SYTL4: variants seen among roughly 807,000 people sequenced by gnomAD.
The protein encoded by SYTL4 is synaptotagmin like 4.
Under a neutral mutation model 52.7 loss-of-function variants are expected in SYTL4, and 16 were observed. The ratio of observed to expected loss-of-function variants is 0.30; its 90% CI spans 0.21 to 0.46. The LOEUF (loss-of-function observed/expected upper bound fraction) is 0.46. SYTL4 is among the 20% of genes least tolerant of loss of function. The pLI, the probability that SYTL4 is intolerant of heterozygous loss-of-function variation, is 1.00. For missense variants in SYTL4, 423 were observed against 519.9 expected (o/e 0.81, Z 1.81); for synonymous variants, 160 against 186.6 (o/e 0.86, Z 1.16).
At chrX:100,683,258 A>T (rs1341306264) in intron 16 of SYTL4, among the ~76,000 whole-genome samples, 1 of 104,935 alleles carries the variant, frequency 9.5e-6, no homozygotes, top group Non-Finnish European at 1.9e-5. Context: ...GTGATTCTCC[A>T]GCGTCAGCCT....
At chrX:100,723,323 T>C (rs1420312846) in intron 2 of SYTL4, among the ~76,000 whole-genome samples, 1 of 112,084 alleles carries the variant, frequency 8.9e-6, no homozygotes, top group Non-Finnish European at 1.9e-5. Flanking sequence ...GATTTCGCTG[T>C]GTTGGCCGGG....
chrX:100,705,835 C>A (rs2083945983), intron 2 of SYTL4, among the ~76,000 whole-genome samples: 1 of 111,706 alleles, frequency 9.0e-6, no homozygotes, highest in Non-Finnish European at 1.9e-5. Context: ...CCTGACCAAC[C>A]AGAACTGCCC....
intron 2 of SYTL4, among the ~76,000 whole-genome samples, chrX:100,723,700 C>T (rs1178094120): frequency 1.8e-5 from 2 of 110,547 alleles, no homozygotes. Context: ...CCTGCCGCCC[C>T]GTCTGGGATG....
intron 8 of SYTL4, among the ~76,000 whole-genome samples, chrX:100,695,238 G>T (rs1018844573): frequency 8.9e-5 from 10 of 111,841 alleles, no homozygotes; most frequent in Non-Finnish European, 1.7e-4. Context: ...CTAACTATCT[G>T]TATGATCTCA....
At chrX:100,691,491 C>T (rs1243529469) in intron 8 of SYTL4, among the ~76,000 whole-genome samples, 3 of 111,308 alleles carry the variant, frequency 2.7e-5, no homozygotes, top group Non-Finnish European at 5.7e-5. Context: ...AGTAACTGTA[C>T]CATGGTGTAC....
intron 7 of SYTL4, 84 bp downstream of exon 7, chrX:100,701,136 G>C (rs2083841569): frequency 1.1e-6 from 1 of 892,380 alleles, no homozygotes; most frequent in African/African-American, 2.0e-5. Flanking sequence ...TCCACTAACT[G>C]GCTGAGCCCA....
intron 7 of SYTL4, 70 bp from the exon 8 acceptor site, chrX:100,701,069 C>A (rs2083840439): frequency 4.2e-6 from 4 of 951,747 alleles, no homozygotes; most frequent in Non-Finnish European, 4.5e-6. Context: ...ACCCTCATAG[C>A]AAATCCCCTG....
rs187767763 is a variant in SYTL4, at chrX:100,718,267, C to T, written c.-240+13151G>A. ...TATTCTTGCCTAGATGGAAGGTCAC[C>T]GTACCTCTCTGCATGGAGGGAGGCT... On this transcript the variant is annotated intron_variant, in intron 2 of 19. Coordinates refer to ENST00000372989, the MANE Select transcript of SYTL4 (RefSeq NM_001370165.1). Among the ~76,000 whole-genome samples, 26 of 111,323 alleles carry T rather than the reference C, an allele frequency of 2.3e-4. 1 individual carries two copies. The highest frequency in any genetic ancestry group is 5.7e-4 in the Admixed American group (6 of 10,467).
At position 100,703,446 on chromosome X, in the gene SYTL4, C is replaced by T. The variant is rs116065901; in HGVS notation, c.-163-261G>A. On this transcript the variant is annotated intron_variant, in intron 3 of 19. Transcript: ENST00000372989. ...ACATCTCTGATGTTGCTTTTTGATG[C>T]TGGGAAATCACATGATGAAATTCAC... Among the ~76,000 whole-genome samples, 327 of 111,941 alleles carry T rather than the reference C, an allele frequency of 2.9e-3. 1 individual carries two copies. The highest frequency in any genetic ancestry group is 9.9e-3 in the African/African-American group (304 of 30,841).
At chrX:100,700,110 T>C (rs2083816644) in intron 8 of SYTL4, among the ~76,000 whole-genome samples, 1 of 111,160 alleles carries the variant, frequency 9.0e-6, no homozygotes, top group Admixed American at 9.6e-5. Flanking sequence ...AAGGGTTTCT[T>C]TTTGAGGTGA....
At chrX:100,699,443 C>T (rs1225400251) in intron 8 of SYTL4, among the ~76,000 whole-genome samples, 1 of 106,520 alleles carries the variant, frequency 9.4e-6, no homozygotes, top group Non-Finnish European at 1.9e-5. Context: ...AACATACATC[C>T]ACACAAAACT....
chrX:100,701,916 G>C lies in SYTL4; in HGVS notation c.110+12C>G. On this transcript the variant is annotated intron_variant, in intron 5 of 19. Coordinates refer to ENST00000372989, the MANE Select transcript of SYTL4 (RefSeq NM_001370165.1). ...AAGGCCTGGGACCCCATGCGTTTTG[G>C]GGAACTCTTACCTAATCCTTTTCTC... The C allele has an allele frequency of 8.5e-7, 1 of 1,181,843 alleles. No individual in the cohort carries two copies. Among genetic ancestry groups the C allele is most frequent in the Non-Finnish European group, 1.1e-6 (1 of 870,453 alleles).
chrX:100,699,487 T>C (rs1489258217), intron 8 of SYTL4, among the ~76,000 whole-genome samples: 1 of 66,286 alleles, frequency 1.5e-5, no homozygotes. Context: ...TTACTCTTTT[T>C]TTTTTTTTTT....
intron 17 of SYTL4, among the ~76,000 whole-genome samples, chrX:100,680,889 C>T (rs1416480073): frequency 9.0e-6 from 1 of 111,503 alleles, no homozygotes; most frequent in Admixed American, 9.6e-5. Context: ...TCTTCCCCAG[C>T]TTTCAACTTC....
rs1428416985 is a variant in SYTL4 at position 100,724,051 on chromosome X, T to C, written c.-240+7367A>G. Among the ~76,000 whole-genome samples the C allele has an allele frequency of 2.1e-4, 19 of 91,580 alleles. No homozygotes were observed. In the Admixed American group the frequency reaches 2.1e-3, roughly 10 times the overall value. 79.5% of individuals were successfully genotyped at this position (91,580 alleles called of 115,157 possible). On this transcript the variant is annotated intron_variant, in intron 2 of 19. Transcript: ENST00000372989. ...GCCCCCCGCCCAGCCAGCCGCCCCGTCCGGGAGGTGAGGGGCGCCTCTGCC... is the reference window on the plus strand; with the variant it reads ...GCCCCCCGCCCAGCCAGCCGCCCCGCCCGGGAGGTGAGGGGCGCCTCTGCC...
rs191724216 is a variant in SYTL4, at chrX:100,714,863, G to A, written c.-239-9977C>T. On this transcript the variant is annotated intron_variant, in intron 2 of 19. Transcript: ENST00000372989. Reference sequence around the variant, plus strand: ...AAATAAACAGAAGTTAGAATCAGATGTTCAAGTAGCTGTATCATAAACCAA... The same window carrying A: ...AAATAAACAGAAGTTAGAATCAGATATTCAAGTAGCTGTATCATAAACCAA... Among the ~76,000 whole-genome samples, 472 of 111,958 alleles carry A rather than the reference G, an allele frequency of 4.2e-3. 3 individuals carry two copies. Among genetic ancestry groups the A allele is most frequent in the African/African-American group, 0.015 (450 of 30,798 alleles).
chrX:100,719,974 T>C (rs764356887), intron 2 of SYTL4, among the ~76,000 whole-genome samples: 1 of 111,997 alleles, frequency 8.9e-6, no homozygotes, highest in Non-Finnish European at 1.9e-5. Context: ...TTCATGATTC[T>C]ACACGTTTGT....
At chrX:100,699,367 CAAAAGAAAAGAAAAGA>C (rs1329474659) in intron 8 of SYTL4, among the ~76,000 whole-genome samples, 8 of 65,011 alleles carry the variant, frequency 1.2e-4, no homozygotes, top group African/African-American at 3.7e-4. Context: ...AACTCCGTCT[CAAAAGAAAAGAAAAGA>C]AAAAGAAAAG....
chrX:100,695,323 T>C (rs750678448), intron 8 of SYTL4, among the ~76,000 whole-genome samples: 1 of 111,703 alleles, frequency 9.0e-6, no homozygotes, highest in Non-Finnish European at 1.9e-5. Context: ...GGCTCCATAA[T>C]TTCATGGGAA....
Sources: allele counts gnomAD v4.1 joint callset (sites outside exome capture counted in the v4.1 genomes callset), GRCh38; gene constraint gnomAD v4.1.1; transcripts MANE v1.5; gene names NCBI Gene and HGNC (gene_info 2026-07-23, HGNC 2026-07-21).